The following ARHGAP15 variants were observed in gnomAD, a reference collection of about 807,000 sequenced individuals.
The protein encoded by ARHGAP15 is rho GTPase-activating protein 15.
Under a neutral mutation model 63.7 loss-of-function variants are expected in ARHGAP15, and 51 were observed. The ratio of observed to expected loss-of-function variants is 0.80; its 90% confidence interval spans 0.64 to 1.01. The LOEUF is 1.01. ARHGAP15 is among the 50% of genes least tolerant of loss of function. The probability of loss-of-function intolerance (pLI) is 0.00; values close to 1 mark genes in which losing one functional copy is unlikely to be tolerated. For missense variants in ARHGAP15, 560 were observed against 564.6 expected (o/e 0.99, Z 0.08); for synonymous variants, 191 against 193.8 (o/e 0.99, Z 0.12).
intron 11 of ARHGAP15, among the ~76,000 whole-genome samples, chr2:143,592,351 C>A (rs1213107934): frequency 2.0e-5 from 3 of 152,144 alleles, no homozygotes; most frequent in Non-Finnish European, 4.4e-5. Context: ...GAATTGAATA[C>A]TTTTAGGTTT....
At chr2:143,453,688 C>A (rs754797767) in intron 8 of ARHGAP15, among the ~76,000 whole-genome samples, 2 of 151,616 alleles carry the variant, frequency 1.3e-5, no homozygotes, top group Non-Finnish European at 2.9e-5. Flanking sequence ...CTTCCTGAAC[C>A]ATGAGTCTGT....
intron 6 of ARHGAP15, among the ~76,000 whole-genome samples, chr2:143,348,879 T>C (rs1417759434): frequency 1.3e-5 from 2 of 152,140 alleles, no homozygotes; most frequent in African/African-American, 4.8e-5. Flanking sequence ...ATCTTCCAAA[T>C]AAGGAAATGG....
chr2:143,541,480 G>A (rs1695050297), intron 10 of ARHGAP15, among the ~76,000 whole-genome samples: 1 of 152,122 alleles, frequency 6.6e-6, no homozygotes, highest in African/African-American at 2.4e-5. Flanking sequence ...CGGTTTTTCA[G>A]CTCTGTTTTT....
chr2:143,468,141 A>G (rs1237166393), intron 8 of ARHGAP15, among the ~76,000 whole-genome samples: 1 of 151,710 alleles, frequency 6.6e-6, no homozygotes, highest in Non-Finnish European at 1.5e-5. Context: ...AAGTACTTGT[A>G]TACACACTAA....
At chr2:143,355,344 G>T (rs2105323442) in intron 6 of ARHGAP15, among the ~76,000 whole-genome samples, 2 of 152,212 alleles carry the variant, frequency 1.3e-5, no homozygotes, top group South Asian at 4.1e-4. Flanking sequence ...ACTAGACAAA[G>T]AATAGAAAAA....
At chr2:143,742,843 G>A (rs1686012843) in intron 13 of ARHGAP15, among the ~76,000 whole-genome samples, 2 of 152,196 alleles carry the variant, frequency 1.3e-5, no homozygotes, top group African/African-American at 2.4e-5. Context: ...CTGACAGAGC[G>A]AGTTCTCACA....
At chr2:143,625,910 A>G (rs1441362762) in intron 12 of ARHGAP15, among the ~76,000 whole-genome samples, 1 of 152,176 alleles carries the variant, frequency 6.6e-6, no homozygotes, top group Non-Finnish European at 1.5e-5. Flanking sequence ...TAGGATATCC[A>G]TCATTTAAGC....
At chr2:143,744,027 T>A (rs1686066262) in intron 13 of ARHGAP15, among the ~76,000 whole-genome samples, 1 of 152,240 alleles carries the variant, frequency 6.6e-6, no homozygotes, top group African/African-American at 2.4e-5. Context: ...CATAAATTAA[T>A]CACCTTTGGA....
At chr2:143,181,231 TTTGTTG>T (rs1214033956) in intron 2 of ARHGAP15, among the ~76,000 whole-genome samples, 33 of 152,310 alleles carry the variant, frequency 2.2e-4, no homozygotes, top group African/African-American at 7.7e-4. Flanking sequence ...TCATCCAGGC[TTTGTTG>T]TTCCATTTAT....
At chr2:143,365,011 TA>T (rs369826401) in intron 6 of ARHGAP15, among the ~76,000 whole-genome samples, 4 of 132,222 alleles carry the variant, frequency 3.0e-5, no homozygotes, top group Non-Finnish European at 6.9e-5. Context: ...GTGTGGGAAA[TA>T]AAATAAATAA....
intron 8 of ARHGAP15, among the ~76,000 whole-genome samples, chr2:143,475,367 A>G (rs975324744): frequency 6.6e-6 from 1 of 152,194 alleles, no homozygotes; most frequent in African/African-American, 2.4e-5. Flanking sequence ...GCATTTTTCA[A>G]TACACTTCCT....
chr2:143,617,675 A>G (rs1040910640), intron 11 of ARHGAP15, among the ~76,000 whole-genome samples: 4 of 152,218 alleles, frequency 2.6e-5, no homozygotes, highest in Admixed American at 2.0e-4. Context: ...GAGGAATGGA[A>G]GAACACAATT....
intron 12 of ARHGAP15, among the ~76,000 whole-genome samples, chr2:143,659,114 C>T (rs183151682): frequency 7.9e-5 from 12 of 152,298 alleles, no homozygotes; most frequent in African/African-American, 1.9e-4. Context: ...CTCATGCAAC[C>T]TCATACAGCT....
At chr2:143,458,961 T>G (rs1031519372) in intron 8 of ARHGAP15, among the ~76,000 whole-genome samples, 11 of 152,172 alleles carry the variant, frequency 7.2e-5, no homozygotes, top group African/African-American at 2.7e-4. Context: ...CTTCTTAATT[T>G]AAGCAACTGA....
intron 9 of ARHGAP15, among the ~76,000 whole-genome samples, chr2:143,487,841 T>C (rs771715713): frequency 1.1e-4 from 17 of 152,162 alleles, no homozygotes; most frequent in Non-Finnish European, 2.1e-4. Context: ...TTAGTAAGTA[T>C]GAACCAGCAC....
chr2:143,697,489 GC>G (rs1490922775), intron 12 of ARHGAP15, among the ~76,000 whole-genome samples: 1 of 152,134 alleles, frequency 6.6e-6, no homozygotes, highest in Non-Finnish European at 1.5e-5. Context: ...AATAGTTCAA[GC>G]AACTTGCCCA....
chr2:143,261,880 G>C (rs1382608999), intron 6 of ARHGAP15, among the ~76,000 whole-genome samples: 3 of 152,086 alleles, frequency 2.0e-5, no homozygotes, highest in Non-Finnish European at 4.4e-5. Flanking sequence ...GGGTAGCTAG[G>C]ACAACTTGCC....
chr2:143,703,099 G>A (rs1051187774), intron 12 of ARHGAP15, among the ~76,000 whole-genome samples: 6 of 152,162 alleles, frequency 3.9e-5, no homozygotes, highest in Non-Finnish European at 5.9e-5. Context: ...TCACATTGTT[G>A]TTGCTTTCAT....
At chr2:143,435,401 T>C (rs1689566965) in intron 6 of ARHGAP15, 200 bp from the exon 7 acceptor site, 2 of 1,190,626 alleles carry the variant, frequency 1.7e-6, no homozygotes, top group South Asian at 2.3e-5. Flanking sequence ...AACAATAATG[T>C]ATTTGTTATG....
Sources: gnomAD v4.1 joint callset for allele counts (sites outside exome capture counted in the v4.1 genomes callset) on GRCh38, gnomAD v4.1.1 for gene constraint, MANE v1.5 for transcripts, NCBI Gene and HGNC (gene_info 2026-07-23, HGNC 2026-07-21) for gene names.